Variants in ADIPOR1 observed in about 807,000 individuals in gnomAD.
ADIPOR1 encodes adiponectin receptor protein 1.
In ADIPOR1, 15 loss-of-function variants were observed where a neutral mutation model predicts 37.5. The ratio of observed to expected loss-of-function variants is 0.40; its 90% CI spans 0.27 to 0.62. The LOEUF is 0.62. Among genes scored for constraint, ADIPOR1 ranks in the 20% least tolerant of loss-of-function variants. The pLI is 0.42. For missense variants in ADIPOR1, 286 were observed against 478.0 expected (o/e 0.60, Z 3.75); for synonymous variants, 173 against 173.2 (o/e 1.00, Z 0.01).
rs1571561407 is a variant in ADIPOR1 at position 202,945,019 on chromosome 1, T to C, written c.581A>G (p.Tyr194Cys). ...CCGAGAGACTTTCTCTGAATGACAATAGACGGTGTGAAAGAGCCAGGAGAA... is the reference window on the plus strand; with the variant it reads ...CCGAGAGACTTTCTCTGAATGACAACAGACGGTGTGAAAGAGCCAGGAGAA... ...LSFSWLFHTVYCHSEKVSRTF... is the reference protein window; with the variant it reads ...LSFSWLFHTVCCHSEKVSRTF... The change falls in exon 5 of 8, where the codon TAT (tyrosine) becomes TGT (cysteine). Residue 194 changes from tyrosine (Y) to cysteine (C), a missense_variant. Tyr to Cys is a radical substitution (Grantham distance 194). Coordinates refer to ENST00000340990, the MANE Select transcript of ADIPOR1 (RefSeq NM_015999.6). 6.2e-7 allele frequency: 1 copy of C among 1,613,584 alleles called. No individual in the cohort carries two copies. The highest frequency in any genetic ancestry group is 8.5e-7 in the Non-Finnish European group (1 of 1,179,892).
chr1:202,953,233 G>A (rs1472580125), intron 1 of ADIPOR1, among the ~76,000 whole-genome samples: 1 of 75,884 alleles, frequency 1.3e-5, no homozygotes, highest in Admixed American at 1.7e-4. Flanking sequence ...ACTTTATATC[G>A]CAAGCAAAAA....
intron 2 of ADIPOR1, among the ~76,000 whole-genome samples, chr1:202,949,592 A>AAAAAAAAAAAAAAAAAAAAAAC (rs1386405820): frequency 4.7e-5 from 7 of 150,466 alleles, no homozygotes; most frequent in African/African-American, 1.7e-4. Flanking sequence ...AAAAAAAAAA[A>AAAAAAAAAAAAAAAAAAAAAAC]AAAAACACAC....
At chr1:202,946,167 T>C (rs1453975014) in intron 4 of ADIPOR1, among the ~76,000 whole-genome samples, 2 of 152,128 alleles carry the variant, frequency 1.3e-5, no homozygotes, top group African/African-American at 4.8e-5. Context: ...AGTTGGAAAT[T>C]ACGAAGTACA....
intron 1 of ADIPOR1, among the ~76,000 whole-genome samples, chr1:202,953,705 C>A (rs1235739023): frequency 8.0e-6 from 1 of 125,482 alleles, no homozygotes; most frequent in Non-Finnish European, 1.7e-5. Context: ...AGACACTGTG[C>A]AAAATACAAG....
chr1:202,946,312 A>G (rs1236775330), intron 4 of ADIPOR1, 127 bp downstream of exon 4: 1 of 1,150,072 alleles, frequency 8.7e-7, no homozygotes, highest in Non-Finnish European at 1.2e-6. Context: ...TTATTAGCTT[A>G]AAGTCATTAG....
chr1:202,946,025 AT>A (rs1186679617), intron 4 of ADIPOR1, among the ~76,000 whole-genome samples: 1 of 146,686 alleles, frequency 6.8e-6, no homozygotes, highest in African/African-American at 2.6e-5. Flanking sequence ...AGCTATTGAA[AT>A]AAAAAAAAAA....
At chr1:202,949,554 CA>C (rs1280122473) in intron 2 of ADIPOR1, among the ~76,000 whole-genome samples, 1 of 132,798 alleles carries the variant, frequency 7.5e-6, no homozygotes, top group African/African-American at 2.9e-5. Context: ...GCACTCCAGC[CA>C]GGGCGACAGC....
chr1:202,949,580 A>AG (rs1654479927), intron 2 of ADIPOR1, among the ~76,000 whole-genome samples: 4 of 21,178 alleles, frequency 1.9e-4, no homozygotes, highest in Non-Finnish European at 3.7e-4. Context: ...CTCTGTCTCC[A>AG]AAAAAAAAAA....
intron 6 of ADIPOR1, among the ~76,000 whole-genome samples, chr1:202,943,317 G>A (rs1654176563): frequency 6.6e-6 from 1 of 152,220 alleles, no homozygotes; most frequent in Non-Finnish European, 1.5e-5. Context: ...AGATGTTTAT[G>A]CTTGTAGCTA....
intron 3 of ADIPOR1, among the ~76,000 whole-genome samples, 157 bp downstream of exon 3, chr1:202,948,147 C>T (rs1017603458): frequency 2.0e-5 from 3 of 152,130 alleles, no homozygotes; most frequent in African/African-American, 7.2e-5. Flanking sequence ...AAAATTTAGC[C>T]AGTCTTCACA....
At position 202,947,712 on chromosome 1, in the gene ADIPOR1, T is replaced by A. The variant is rs1654393411; in HGVS notation, c.258+592A>T. On this transcript the variant is annotated intron_variant, in intron 3 of 7. Coordinates refer to ENST00000340990, the MANE Select transcript of ADIPOR1 (RefSeq NM_015999.6). ...TTAGATTCTAAGTTCTTACCACATC[T>A]TTTTAGAGTAGGGGTTCTTAATCTA... Among the ~76,000 whole-genome samples the A allele has an allele frequency of 2.0e-5, 3 of 152,146 alleles. No homozygotes were observed. In the South Asian group the frequency reaches 6.2e-4, roughly 31 times the overall value.
intron 4 of ADIPOR1, 110 bp downstream of exon 4, chr1:202,946,329 A>G (rs1654316365): frequency 7.5e-7 from 1 of 1,327,532 alleles, no homozygotes; most frequent in African/African-American, 1.5e-5. Flanking sequence ...TTAGTAGTTT[A>G]AAGGTAGAAT....
At chr1:202,944,083 A>G in intron 5 of ADIPOR1, 138 bp from the exon 6 acceptor site, 3 of 748,954 alleles carry the variant, frequency 4.0e-6, no homozygotes, top group Non-Finnish European at 6.4e-6. Context: ...AGACTCCCAT[A>G]CAATCTATCC....
intron 3 of ADIPOR1, 77 bp downstream of exon 3, chr1:202,948,227 G>A: frequency 8.2e-7 from 1 of 1,217,138 alleles, no homozygotes; most frequent in Non-Finnish European, 1.2e-6. Context: ...TCGACCCAGT[G>A]CAAGCTTGCT....
At chr1:202,949,285 A>G (rs1654460569) in intron 2 of ADIPOR1, among the ~76,000 whole-genome samples, 1 of 151,400 alleles carries the variant, frequency 6.6e-6, no homozygotes, top group African/African-American at 2.4e-5. Context: ...GGGCCTAAAA[A>G]AGCGCACCCA....
At position 202,957,550 on chromosome 1, in the gene ADIPOR1, C is replaced by G. The variant is rs139531519; in HGVS notation, c.-95+635G>C. ...AAACAGAAGATAGAATACATCAATCCTAGATACCTAAGGTAATGAAATTTC... is the reference window on the plus strand; with the variant it reads ...AAACAGAAGATAGAATACATCAATCGTAGATACCTAAGGTAATGAAATTTC... On this transcript the variant is annotated intron_variant, in intron 1 of 7. Transcript: ENST00000340990. Among the ~76,000 whole-genome samples the G allele has an allele frequency of 4.9e-3, 747 of 152,166 alleles. 7 individuals are homozygous for G. The highest frequency in any genetic ancestry group is 0.016 in the African/African-American group (683 of 41,516).
At chr1:202,948,069 G>T (rs33942950) in intron 3 of ADIPOR1, among the ~76,000 whole-genome samples, 3 of 151,936 alleles carry the variant, frequency 2.0e-5, no homozygotes, top group Non-Finnish European at 4.4e-5. Context: ...TTCCAAAGGC[G>T]CCCCTTGCAT....
intron 2 of ADIPOR1, 76 bp downstream of exon 2, chr1:202,950,854 T>A: frequency 6.3e-7 from 1 of 1,580,518 alleles, no homozygotes; most frequent in Non-Finnish European, 8.6e-7. Flanking sequence ...GACGGTGAGC[T>A]CTTAAAAAAG....
In ADIPOR1 at chr1:202,950,865, A is replaced by G. The variant is rs1029401055; in HGVS notation, c.141+65T>C. 7 of 1,593,452 alleles carry G rather than the reference A, an allele frequency of 4.4e-6. No homozygotes were observed. In the African/African-American group the frequency reaches 8.1e-5, roughly 18 times the overall value. ...TTTGGACGGTGAGCTCTTAAAAAAGAGAAAATGACAGAGTTCTAAGGAGAG... is the reference window on the plus strand; with the variant it reads ...TTTGGACGGTGAGCTCTTAAAAAAGGGAAAATGACAGAGTTCTAAGGAGAG... On this transcript the variant is annotated intron_variant, in intron 2 of 7. Transcript: ENST00000340990.
Sources: gnomAD v4.1 joint callset for allele counts (sites outside exome capture counted in the v4.1 genomes callset) on GRCh38, gnomAD v4.1.1 for gene constraint, MANE v1.5 for transcripts, NCBI Gene and HGNC (gene_info 2026-07-23, HGNC 2026-07-21) for gene names.